The following SPRR3 variants were observed in gnomAD, a reference collection of about 807,000 sequenced individuals.
SPRR3 encodes the protein small proline-rich protein 3.
For missense variants in SPRR3, 183 were observed against 200.3 expected (o/e 0.91, Z 0.52); for synonymous variants, 58 against 72.3 (o/e 0.80, Z 1.01).
intron 1 of SPRR3, chr1:153,002,448 T>TC: frequency 3.2e-5 from 5 of 158,276 alleles, no homozygotes; most frequent in South Asian, 1.8e-4. Context: ...AGTGAGTAGA[T>TC]TCTAGACTGC....
rs372297445 is a variant in SPRR3, at chr1:153,002,848, G to T, written c.-19-154G>T. On this transcript the variant is annotated intron_variant, in intron 1 of 1. Transcript: ENST00000295367. ...CCTTATTCTCTGGAAGATAAGTGGG[G>T]ATCACCAAAGCATCCCATGATCTCA... Among the ~76,000 whole-genome samples the T allele has an allele frequency of 9.9e-5, 15 of 152,248 alleles. No homozygotes were observed. The South Asian group carries it at 3.1e-3, about 32-fold the overall frequency.
chr1:153,002,015 C>CG (rs1275364182), intron 1 of SPRR3: 1 of 152,132 alleles, frequency 6.6e-6, no homozygotes, highest in Non-Finnish European at 1.5e-5. Flanking sequence ...GTTAGCAAGA[C>CG]AATATACCCA....
At chr1:153,002,858 G>A in intron 1 of SPRR3, 144 bp from the exon 2 acceptor site, 1 of 872,390 alleles carries the variant, frequency 1.1e-6, no homozygotes, top group Non-Finnish European at 1.7e-6. Flanking sequence ...GATCACCAAA[G>A]CATCCCATGA....
rs762471882 is a variant in SPRR3, at chr1:153,003,492, A to G, written c.472A>G (p.Thr158Ala). ...ACCAGAGCCATGTCCTTCAACGGTC[A>G]CTCCAGGCCCAGCTCAGCAGAAGAC... Reference protein sequence around the residue: ...KLPEPCPSTVTPGPAQQKTKQ... With the variant: ...KLPEPCPSTVAPGPAQQKTKQ... Residue 158 changes from threonine to alanine, a missense_variant, in exon 2 of 2, where the codon ACT (threonine) becomes GCT (alanine). Transcript: ENST00000295367. 2 of 1,614,002 alleles carry G rather than the reference A, an allele frequency of 1.2e-6. No individual in the cohort carries two copies. The highest frequency in any genetic ancestry group is 1.7e-5 in the Admixed American group (1 of 59,980).
chr1:153,002,692 C>A (rs955214013), intron 1 of SPRR3: 6 of 287,518 alleles, frequency 2.1e-5, no homozygotes, highest in African/African-American at 6.5e-5. Context: ...AGTGTGTAAG[C>A]GAAAGCTTCA....
At position 153,003,603 on chromosome 1, in the gene SPRR3, T is replaced by C. The variant is rs1652883271; in HGVS notation, c.*73T>C. 2.6e-6 allele frequency: 4 copies of C among 1,563,442 alleles called. No individual in the cohort carries two copies. Among genetic ancestry groups the C allele is most frequent in the Admixed American group, 3.6e-5 (2 of 55,356 alleles). Reference sequence around the variant, plus strand: ...CACCCTCTTCCCATCTGTTTCTGTGTCTTAATTGTCTGTAGACCTTGTAAT... The same window carrying C: ...CACCCTCTTCCCATCTGTTTCTGTGCCTTAATTGTCTGTAGACCTTGTAAT... On this transcript the variant is annotated 3_prime_UTR_variant, in exon 2 of 2. Coordinates refer to ENST00000295367, the MANE Select transcript of SPRR3 (RefSeq NM_001097589.2).
In SPRR3 at chr1:153,003,004, C is replaced by A; in HGVS notation, c.-17C>A. ...TGAATTAGCTGTTTTGTCTCTAGGT[C>A]CAGCATCCTTTGAAGCATGAGTTCT... On this transcript the variant is annotated splice_region_variant and 5_prime_UTR_variant, in exon 2 of 2. Transcript: ENST00000295367. 6.2e-7 allele frequency: 1 copy of A among 1,605,514 alleles called. No homozygotes were observed. The highest frequency in any genetic ancestry group is 8.5e-7 in the Non-Finnish European group (1 of 1,175,168).
At position 153,002,462 on chromosome 1, in the gene SPRR3, C is replaced by G. The variant is rs551682861; in HGVS notation, c.-19-540C>G. 2.5e-5 allele frequency: 4 copies of G among 158,490 alleles called. No individual in the cohort carries two copies. The East Asian group carries it at 7.5e-4, about 30-fold the overall frequency. The allele number at this position is 158,490 out of a possible 1,614,324, so 9.8% of individuals were successfully genotyped here. Reference sequence around the variant, plus strand: ...GAGTGAGTAGATTCTAGACTGCTGACCTTAAAATCTTTCCAACTTATGGAA... The same window carrying G: ...GAGTGAGTAGATTCTAGACTGCTGAGCTTAAAATCTTTCCAACTTATGGAA... On this transcript the variant is annotated intron_variant, in intron 1 of 1. Coordinates refer to ENST00000295367, the MANE Select transcript of SPRR3 (RefSeq NM_001097589.2).
chr1:153,003,202 TCCCTGAGCCAGGCTGTAC>T lies in SPRR3; in HGVS notation c.184_201del (p.Pro62_Thr67del). The T allele has an allele frequency of 3.3e-6, 4 of 1,217,238 alleles. No homozygotes were observed. Among genetic ancestry groups the T allele is most frequent in the South Asian group, 3.5e-5 (2 of 56,550 alleles). 75.4% of individuals were successfully genotyped at this position (1,217,238 alleles called of 1,614,324 possible). A position where few individuals can be genotyped will look rare whatever the true frequency, so the allele number is the denominator to read the frequency against. ...ATTCCAGAGCCAGGCTGTACCAAGG[TCCCTGAGCCAGGCTGTAC>T]CAAGGTCCCTGAGCCAGGCTGTACC... is the stretch of plus-strand genomic sequence containing the variant. On this transcript the variant is annotated inframe_deletion, in exon 2 of 2. Transcript: ENST00000295367.
At position 153,003,224 on chromosome 1, in the gene SPRR3, G is replaced by C. The variant is rs911124159; in HGVS notation, c.204G>C (p.Lys68Asn). ...AGGTCCCTGAGCCAGGCTGTACCAAGGTCCCTGAGCCAGGCTGTACCAAGG... is the reference window on the plus strand; with the variant it reads ...AGGTCCCTGAGCCAGGCTGTACCAACGTCCCTGAGCCAGGCTGTACCAAGG... ...CTKVPEPGCT[K>N]VPEPGCTKVP... The change falls in exon 2 of 2, where the codon AAG (lysine) becomes AAC (asparagine). Residue 68 changes from lysine to asparagine, a missense_variant. Physicochemically the swap from Lys to Asn is moderately conservative, Grantham distance 94. Coordinates refer to ENST00000295367, the MANE Select transcript of SPRR3 (RefSeq NM_001097589.2). 1.9e-6 allele frequency: 3 copies of C among 1,587,558 alleles called. No individual in the cohort carries two copies. Among genetic ancestry groups the C allele is most frequent in the Non-Finnish European group, 2.6e-6 (3 of 1,166,240 alleles).
At position 153,003,672 on chromosome 1, in the gene SPRR3, T is replaced by A. The variant is rs987904991; in HGVS notation, c.*142T>A. 6 of 1,181,256 alleles carry A rather than the reference T, an allele frequency of 5.1e-6. No homozygotes were observed. Among genetic ancestry groups the A allele is most frequent in the African/African-American group, 1.6e-5 (1 of 64,322 alleles). The allele number at this position is 1,181,256 out of a possible 1,614,324, so 73.2% of individuals were successfully genotyped here. On this transcript the variant is annotated 3_prime_UTR_variant, in exon 2 of 2. Coordinates refer to ENST00000295367, the MANE Select transcript of SPRR3 (RefSeq NM_001097589.2). Reference sequence around the variant, plus strand: ...AGCCATAGTCTCTCTCTTATTTGTATCCTAAAAATACGTACTATAAAGCTT... The same window carrying A: ...AGCCATAGTCTCTCTCTTATTTGTAACCTAAAAATACGTACTATAAAGCTT...
chr1:153,002,788 G>C (rs1464424665), intron 1 of SPRR3: 15 of 572,050 alleles, frequency 2.6e-5, no homozygotes, highest in East Asian at 5.9e-5. Flanking sequence ...ATAAAGAAAG[G>C]CTCCATTTAC....
rs987904991 is a variant in SPRR3 at position 153,003,672 on chromosome 1, T to C, written c.*142T>C. The C allele has an allele frequency of 3.4e-6, 4 of 1,181,256 alleles. No homozygotes were observed. The Admixed American group carries it at 8.5e-5, about 25-fold the overall frequency. The allele number at this position is 1,181,256 out of a possible 1,614,324, so 73.2% of individuals were successfully genotyped here. ...AGCCATAGTCTCTCTCTTATTTGTA[T>C]CCTAAAAATACGTACTATAAAGCTT... On this transcript the variant is annotated 3_prime_UTR_variant, in exon 2 of 2. Coordinates refer to ENST00000295367, the MANE Select transcript of SPRR3 (RefSeq NM_001097589.2).
In SPRR3 at chr1:153,003,575, G is replaced by A. The variant is rs539308417; in HGVS notation, c.*45G>A. On this transcript the variant is annotated 3_prime_UTR_variant, in exon 2 of 2. Transcript: ENST00000295367. Reference sequence around the variant, plus strand: ...CTTGAGAAGCCAACCACCAGATGCTGGACACCCTCTTCCCATCTGTTTCTG... The same window carrying A: ...CTTGAGAAGCCAACCACCAGATGCTAGACACCCTCTTCCCATCTGTTTCTG... The A allele has an allele frequency of 3.6e-5, 58 of 1,601,232 alleles. No homozygotes were observed. The South Asian group carries it at 6.1e-4, about 17-fold the overall frequency.
rs547219830 is a variant in SPRR3, at chr1:153,003,417, G to A, written c.397G>A (p.Val133Ile). 6.2e-7 allele frequency: 1 copy of A among 1,614,094 alleles called. No homozygotes were observed. The highest frequency in any genetic ancestry group is 1.1e-5 in the South Asian group (1 of 91,064). ...GTTTCCTGAGCCAGGTGCCATCAAA[G>A]TTCCTGAGCAAGGATACACCAAAGT... ...IKFPEPGAIK[V>I]PEQGYTKVPV... Residue 133 changes from valine to isoleucine, a missense_variant, in exon 2 of 2, where the codon GTT becomes ATT. Transcript: ENST00000295367.
At chr1:153,002,918 G>A (rs780839735) in intron 1 of SPRR3, 84 bp from the exon 2 acceptor site, 8 of 1,388,552 alleles carry the variant, frequency 5.8e-6, no homozygotes, top group Non-Finnish European at 6.9e-6. Flanking sequence ...AGTTCTGAAG[G>A]AGAATGAAAT....
chr1:153,003,471 G>C lies in SPRR3; in HGVS notation c.451G>C (p.Glu151Gln). ...VPVPGYTKLP[E>Q]PCPSTVTPGP... ...TGTGCCAGGCTACACAAAGCTACCA[G>C]AGCCATGTCCTTCAACGGTCACTCC... The change falls in exon 2 of 2, where the codon GAG becomes CAG. Residue 151 changes from glutamate (E) to glutamine (Q), a missense_variant. Coordinates refer to ENST00000295367, the MANE Select transcript of SPRR3 (RefSeq NM_001097589.2). The C allele has an allele frequency of 1.9e-6, 3 of 1,614,080 alleles. No homozygotes were observed. Among genetic ancestry groups the C allele is most frequent in the Non-Finnish European group, 1.7e-6 (2 of 1,180,034 alleles).
In SPRR3 at chr1:153,003,203, CCCT is replaced by C. The variant is rs772073212; in HGVS notation, c.184_186del (p.Pro62del). 1 of 1,193,302 alleles carries C rather than the reference CCCT, an allele frequency of 8.4e-7. No homozygotes were observed. The highest frequency in any genetic ancestry group is 1.1e-6 in the Non-Finnish European group (1 of 941,476). The allele number at this position is 1,193,302 out of a possible 1,614,324, so 73.9% of individuals were successfully genotyped here. A position where few individuals can be genotyped will look rare whatever the true frequency, so the allele number is the denominator to read the frequency against. On this transcript the variant is annotated inframe_deletion, in exon 2 of 2. Transcript: ENST00000295367. ...TTCCAGAGCCAGGCTGTACCAAGGTCCCTGAGCCAGGCTGTACCAAGGTCCCTG... is the reference window on the plus strand; with the variant it reads ...TTCCAGAGCCAGGCTGTACCAAGGTCGAGCCAGGCTGTACCAAGGTCCCTG...
chr1:153,003,436 C>A lies in SPRR3; in HGVS notation c.416C>A (p.Thr139Asn), dbSNP rs147665003. The change falls in exon 2 of 2, where the codon ACC becomes AAC. Residue 139 changes from threonine to asparagine, a missense_variant. Physicochemically the swap from Thr to Asn is moderately conservative, Grantham distance 65. Transcript: ENST00000295367. Reference sequence around the variant, plus strand: ...ATCAAAGTTCCTGAGCAAGGATACACCAAAGTTCCTGTGCCAGGCTACACA... The same window carrying A: ...ATCAAAGTTCCTGAGCAAGGATACAACAAAGTTCCTGTGCCAGGCTACACA... ...GAIKVPEQGY[T>N]KVPVPGYTKL... 6.2e-7 allele frequency: 1 copy of A among 1,614,058 alleles called. No individual in the cohort carries two copies.
Sources: allele counts gnomAD v4.1 joint callset (sites outside exome capture counted in the v4.1 genomes callset), GRCh38; gene constraint gnomAD v4.1.1; transcripts MANE v1.5; gene names NCBI Gene and HGNC (gene_info 2026-07-23, HGNC 2026-07-21).